The following ADAMTSL1 variants were observed in gnomAD, a reference collection of about 807,000 sequenced individuals.
ADAMTSL1 encodes ADAMTS-like protein 1.
A neutral mutation model predicts 201.8 loss-of-function variants in ADAMTSL1; 126 were observed. The observed-to-expected ratio is 0.62, with a 90% CI of 0.54 to 0.72. ADAMTSL1 has a LOEUF of 0.72. Among genes scored for constraint, ADAMTSL1 ranks in the 30% least tolerant of loss-of-function variants. The pLI is 0.00. For synonymous variants in ADAMTSL1, 1,121 were observed against 903.4 expected (o/e 1.24, Z -4.32); for missense variants, 2,679 against 2,277.8 (o/e 1.18, Z -3.59).
chr9:18,686,166 C>G (rs1466476563), intron 13 of ADAMTSL1, among the ~76,000 whole-genome samples: 1 of 152,216 alleles, frequency 6.6e-6, no homozygotes, highest in East Asian at 1.9e-4. Context: ...AGCAATCCGC[C>G]TGCCTCAGCC....
intron 1 of ADAMTSL1, among the ~76,000 whole-genome samples, chr9:18,015,325 A>T (rs1452196721): frequency 6.6e-6 from 1 of 152,076 alleles, no homozygotes; most frequent in Non-Finnish European, 1.5e-5. Flanking sequence ...AAAGCAGGGA[A>T]TTTACATAAA....
intron 2 of ADAMTSL1, among the ~76,000 whole-genome samples, chr9:18,373,599 A>G (rs1307173660): frequency 6.6e-6 from 1 of 152,060 alleles, no homozygotes; most frequent in African/African-American, 2.4e-5. Context: ...TTATCTGCCA[A>G]CAGGGGCTCT....
At chr9:18,703,807 T>C (rs1367099989) in intron 13 of ADAMTSL1, among the ~76,000 whole-genome samples, 2 of 148,528 alleles carry the variant, frequency 1.3e-5, no homozygotes, top group Admixed American at 6.8e-5. Flanking sequence ...TTCAGTAGAA[T>C]GGCCTTTCTA....
intron 2 of ADAMTSL1, among the ~76,000 whole-genome samples, chr9:18,382,408 T>A (rs1798369974): frequency 6.6e-6 from 1 of 152,178 alleles, no homozygotes; most frequent in African/African-American, 2.4e-5. Context: ...TCCAGAATCC[T>A]GGCAGGAGAG....
intron 1 of ADAMTSL1, among the ~76,000 whole-genome samples, chr9:18,489,024 C>T (rs73421011): frequency 0.037 from 5,600 of 152,238 alleles, 340 homozygotes; most frequent in African/African-American, 0.13. Flanking sequence ...AAAATCACCT[C>T]AGGAATTCCA....
chr9:18,821,329 A>G (rs1367323289), intron 21 of ADAMTSL1, among the ~76,000 whole-genome samples: 1 of 152,194 alleles, frequency 6.6e-6, no homozygotes, highest in Non-Finnish European at 1.5e-5. Context: ...ATGCAGGGTC[A>G]CAGGATGCTG....
intron 13 of ADAMTSL1, among the ~76,000 whole-genome samples, chr9:18,696,816 G>T (rs1207295975): frequency 6.6e-6 from 1 of 151,378 alleles, no homozygotes; most frequent in Non-Finnish European, 1.5e-5. Context: ...ATTTTCAAAA[G>T]GGTACAATCA....
chr9:18,645,792 C>A (rs894553933), intron 7 of ADAMTSL1, among the ~76,000 whole-genome samples: 13 of 140,168 alleles, frequency 9.3e-5, no homozygotes, highest in African/African-American at 1.3e-4. Context: ...GTTACTGTAG[C>A]CTTGTAGTAT....
chr9:18,576,981 G>T (rs181516504), intron 4 of ADAMTSL1, among the ~76,000 whole-genome samples: 1 of 152,180 alleles, frequency 6.6e-6, no homozygotes, highest in Non-Finnish European at 1.5e-5. Context: ...GCGAGGCCAG[G>T]TATACAGAGG....
chr9:18,394,158 G>A (rs1249981737), intron 2 of ADAMTSL1, among the ~76,000 whole-genome samples: 2 of 147,246 alleles, frequency 1.4e-5, no homozygotes, highest in African/African-American at 5.0e-5. Context: ...AGTACAACTA[G>A]AACAAGGATT....
intron 2 of ADAMTSL1, among the ~76,000 whole-genome samples, chr9:18,398,901 A>G (rs757022168): frequency 2.0e-5 from 3 of 152,170 alleles, no homozygotes; most frequent in African/African-American, 4.8e-5. Context: ...GATGTCAAAG[A>G]GTGAAATTCA....
intron 1 of ADAMTSL1, among the ~76,000 whole-genome samples, chr9:18,104,263 T>A (rs542579748): frequency 3.3e-5 from 5 of 152,282 alleles, no homozygotes; most frequent in African/African-American, 1.2e-4. Context: ...ACTAGCAGTG[T>A]AGTCGCAATC....
At chr9:18,375,697 T>C (rs1837259639) in intron 2 of ADAMTSL1, among the ~76,000 whole-genome samples, 1 of 152,090 alleles carries the variant, frequency 6.6e-6, no homozygotes, top group Non-Finnish European at 1.5e-5. Flanking sequence ...AGCAGCAAGG[T>C]TTATTGTGGA....
chr9:18,229,958 A>G (rs1830586867), intron 2 of ADAMTSL1, among the ~76,000 whole-genome samples: 1 of 152,160 alleles, frequency 6.6e-6, no homozygotes, highest in Non-Finnish European at 1.5e-5. Context: ...CAGCCTCCGT[A>G]AGTGCTAGGA....
At chr9:18,155,277 T>C (rs1436247798) in intron 1 of ADAMTSL1, among the ~76,000 whole-genome samples, 1 of 152,054 alleles carries the variant, frequency 6.6e-6, no homozygotes, top group East Asian at 1.9e-4. Flanking sequence ...GAAATTAAAT[T>C]CATTGCACTA....
intron 1 of ADAMTSL1, among the ~76,000 whole-genome samples, chr9:18,019,497 C>T (rs374242163): frequency 5.9e-5 from 9 of 152,170 alleles, no homozygotes; most frequent in East Asian, 5.8e-4. Flanking sequence ...TTCAGTCACA[C>T]AGAAAGGTGT....
intron 4 of ADAMTSL1, among the ~76,000 whole-genome samples, chr9:18,600,530 A>G (rs1486149658): frequency 6.6e-6 from 1 of 152,206 alleles, no homozygotes; most frequent in East Asian, 1.9e-4. Flanking sequence ...CTATGACTGG[A>G]TACCAAGAAT....
chr9:18,210,827 A>G (rs1280213840), intron 2 of ADAMTSL1, among the ~76,000 whole-genome samples: 1 of 151,876 alleles, frequency 6.6e-6, no homozygotes, highest in Admixed American at 6.6e-5. Flanking sequence ...TTAAATAGTA[A>G]TTGAGTGCCT....
intron 1 of ADAMTSL1, among the ~76,000 whole-genome samples, chr9:17,946,378 G>C (rs1021158227): frequency 1.3e-5 from 2 of 151,916 alleles, no homozygotes; most frequent in Non-Finnish European, 2.9e-5. Context: ...CTCGTAAATG[G>C]AAAATATTTT....
Sources: allele counts gnomAD v4.1 joint callset (sites outside exome capture counted in the v4.1 genomes callset), GRCh38; gene constraint gnomAD v4.1.1; transcripts MANE v1.5; gene names NCBI Gene and HGNC (gene_info 2026-07-23, HGNC 2026-07-21).